MARCHF1: variants seen among roughly 807,000 people sequenced by gnomAD.
The protein encoded by MARCHF1 is E3 ubiquitin-protein ligase MARCHF1.
In MARCHF1, 40 loss-of-function variants were observed where a neutral mutation model predicts 54.2. That is an observed-to-expected ratio of 0.74 (90% CI 0.57 to 0.96). MARCHF1 has a LOEUF of 0.96. Among genes scored for constraint, MARCHF1 ranks in the 40% least tolerant of loss-of-function variants. MARCHF1 has a pLI of 0.00. For synonymous variants in MARCHF1, 236 were observed against 236.3 expected (o/e 1.00, Z 0.01); for missense variants, 586 against 656.5 (o/e 0.89, Z 1.17).
At chr4:164,189,374 A>G in intron 1 of MARCHF1, 2 of 638,194 alleles carry the variant, frequency 3.1e-6, no homozygotes, top group South Asian at 2.0e-5. Context: ...CTAAACATGG[A>G]TCTGTTCTGG....
intron 4 of MARCHF1, among the ~76,000 whole-genome samples, chr4:163,721,578 T>C (rs1469647781): frequency 1.3e-5 from 2 of 152,192 alleles, no homozygotes; most frequent in African/African-American, 4.8e-5. Flanking sequence ...CTTTTTCTAT[T>C]GATTGGAATA....
intron 1 of MARCHF1, among the ~76,000 whole-genome samples, chr4:164,333,682 C>G (rs1172461391): frequency 1.3e-5 from 2 of 152,176 alleles, no homozygotes; most frequent in Non-Finnish European, 2.9e-5. Flanking sequence ...ATTAATAAGC[C>G]TACAATGGCC....
chr4:163,614,619 CAA>C (rs1285079814), intron 5 of MARCHF1, among the ~76,000 whole-genome samples: 2 of 152,066 alleles, frequency 1.3e-5, no homozygotes, highest in Admixed American at 6.5e-5. Context: ...AATTCTAACT[CAA>C]GAGATCAGGT....
At chr4:163,773,171 T>C (rs770783514) in intron 4 of MARCHF1, among the ~76,000 whole-genome samples, 37 of 152,078 alleles carry the variant, frequency 2.4e-4, no homozygotes, top group Non-Finnish European at 5.0e-4. Context: ...CAGAAGAGCA[T>C]AGATGTGTTA....
chr4:163,987,153 C>T (rs990532213), intron 3 of MARCHF1, among the ~76,000 whole-genome samples: 58 of 152,182 alleles, frequency 3.8e-4, no homozygotes, highest in African/African-American at 1.4e-3. Flanking sequence ...TTCTAATAAT[C>T]GCATTTCCAA....
chr4:164,327,732 G>A (rs1160093553), intron 1 of MARCHF1, among the ~76,000 whole-genome samples: 1 of 152,124 alleles, frequency 6.6e-6, no homozygotes, highest in African/African-American at 2.4e-5. Context: ...CAACAATAAA[G>A]GAAATTGATC....
chr4:164,059,453 A>C (rs2111064112), intron 2 of MARCHF1, among the ~76,000 whole-genome samples: 1 of 152,334 alleles, frequency 6.6e-6, no homozygotes, highest in South Asian at 2.1e-4. Context: ...GCTCTCATTA[A>C]AAATTCCATA....
chr4:163,667,963 G>A (rs1049301730), intron 5 of MARCHF1, among the ~76,000 whole-genome samples: 2 of 152,072 alleles, frequency 1.3e-5, no homozygotes, highest in South Asian at 4.1e-4. Context: ...TGATTTTTAC[G>A]GTCCTGCTTT....
At chr4:164,307,138 A>C (rs1019072607) in intron 1 of MARCHF1, among the ~76,000 whole-genome samples, 1 of 152,180 alleles carries the variant, frequency 6.6e-6, no homozygotes, top group Non-Finnish European at 1.5e-5. Context: ...CTTGCCACCC[A>C]CACCTCATTT....
At chr4:163,708,246 T>C (rs1205748302) in intron 4 of MARCHF1, among the ~76,000 whole-genome samples, 3 of 151,942 alleles carry the variant, frequency 2.0e-5, no homozygotes, top group Non-Finnish European at 4.4e-5. Flanking sequence ...CTCCAAGCTT[T>C]TAATAATTTT....
At chr4:163,674,189 C>G (rs1027871063) in intron 5 of MARCHF1, among the ~76,000 whole-genome samples, 1 of 152,014 alleles carries the variant, frequency 6.6e-6, no homozygotes, top group African/African-American at 2.4e-5. Context: ...AAAAACATAA[C>G]AAAGCAAAAT....
intron 8 of MARCHF1, among the ~76,000 whole-genome samples, chr4:163,558,499 GC>G (rs1451539000): frequency 6.6e-6 from 1 of 152,132 alleles, no homozygotes; most frequent in Non-Finnish European, 1.5e-5. Context: ...CTTGGTCATT[GC>G]TGAAGTGACT....
At chr4:163,591,049 T>C (rs1215204631) in intron 7 of MARCHF1, among the ~76,000 whole-genome samples, 3 of 151,538 alleles carry the variant, frequency 2.0e-5, no homozygotes, top group Admixed American at 6.6e-5. Context: ...TAATTATTAA[T>C]AATCAATTAT....
At chr4:164,252,563 T>A (rs933347709) in intron 1 of MARCHF1, among the ~76,000 whole-genome samples, 1 of 152,028 alleles carries the variant, frequency 6.6e-6, no homozygotes, top group Non-Finnish European at 1.5e-5. Flanking sequence ...GAGTTCAGCC[T>A]CAGAACAAAG....
chr4:163,901,333 C>A (rs535743485), intron 3 of MARCHF1, among the ~76,000 whole-genome samples: 1 of 152,136 alleles, frequency 6.6e-6, no homozygotes, highest in Non-Finnish European at 1.5e-5. Flanking sequence ...GCAGGGCTAG[C>A]ATATGTCTTG....
chr4:163,983,616 A>G (rs758779437), intron 3 of MARCHF1, among the ~76,000 whole-genome samples: 51 of 152,184 alleles, frequency 3.4e-4, no homozygotes, highest in Non-Finnish European at 6.5e-4. Context: ...AGATTGCTAA[A>G]TGACCTGGTA....
chr4:163,724,789 G>C (rs1326035037), intron 4 of MARCHF1, among the ~76,000 whole-genome samples: 1 of 152,172 alleles, frequency 6.6e-6, no homozygotes, highest in Admixed American at 6.5e-5. Flanking sequence ...GAATCCGCGG[G>C]CGTGGGACCC....
chr4:164,264,920 A>G (rs996687227), intron 1 of MARCHF1, among the ~76,000 whole-genome samples: 10 of 137,702 alleles, frequency 7.3e-5, no homozygotes, highest in Admixed American at 2.2e-4. Flanking sequence ...GACTCTGTCG[A>G]AAAAAAAAAA....
intron 1 of MARCHF1, among the ~76,000 whole-genome samples, chr4:164,330,348 C>A (rs1735402885): frequency 6.6e-6 from 1 of 152,094 alleles, no homozygotes; most frequent in Non-Finnish European, 1.5e-5. Context: ...ACCTCATGTA[C>A]AGGATGGAGT....
Sources: gnomAD v4.1 joint callset for allele counts (sites outside exome capture counted in the v4.1 genomes callset) on GRCh38, gnomAD v4.1.1 for gene constraint, MANE v1.5 for transcripts, NCBI Gene and HGNC (gene_info 2026-07-23, HGNC 2026-07-21) for gene names.